SRCAP: variants seen among roughly 807,000 people sequenced by gnomAD.
The protein encoded by SRCAP is chromatin remodeling protein SRCAP.
Under a neutral mutation model 263.1 loss-of-function variants are expected in SRCAP, and 46 were observed. That is an observed-to-expected ratio of 0.17 (90% confidence interval 0.14 to 0.22). SRCAP has a LOEUF of 0.22. Among genes scored for constraint, SRCAP ranks in the 10% least tolerant of loss-of-function variants. The probability of loss-of-function intolerance (pLI) is 1.00; values close to 1 mark genes in which losing one functional copy is unlikely to be tolerated. For synonymous variants in SRCAP, 1,813 were observed against 1,662.1 expected (o/e 1.09, Z -2.21); for missense variants, 3,695 against 4,181.9 (o/e 0.88, Z 3.21).
chr16:30,738,517 T>C lies in SRCAP; in HGVS notation c.8477T>C (p.Ile2826Thr), dbSNP rs769370549. 1 of 1,611,800 alleles carries C rather than the reference T, an allele frequency of 6.2e-7. No individual in the cohort carries two copies. Among genetic ancestry groups the C allele is most frequent in the South Asian group, 1.1e-5 (1 of 90,812 alleles). ...SLPTPPQQPF[I>T]ARRHIELGVT... ...CCCACTCCACCCCAGCAGCCCTTCA[T>C]TGCTCGCCGTCACATTGAGCTGGGG... The change falls in exon 34 of 34, where the codon ATT becomes ACT. Residue 2826 changes from isoleucine to threonine, a missense_variant. Physicochemically the swap from Ile to Thr is moderately conservative, Grantham distance 89 (BLOSUM62 -1). Around this residue, in one of 12 missense-constraint regions of SRCAP, gnomAD observed 1,207 missense variants for 1,142.9 expected, o/e 1.06. Transcript: ENST00000262518.
At chr16:30,712,562 G>A (rs1332263718) in intron 13 of SRCAP, 117 bp from the exon 14 acceptor site, 4 of 1,533,304 alleles carry the variant, frequency 2.6e-6, no homozygotes, top group Non-Finnish European at 3.5e-6. Flanking sequence ...GTATAGAGAG[G>A]ACAGTGTAGG....
rs763370047 is a variant in SRCAP at position 30,738,374 on chromosome 16, G to C, written c.8334G>C (p.Val2778=). Residue 2778 remains valine (V), a synonymous_variant, in exon 34 of 34, where the codon GTG becomes GTC. Transcript: ENST00000262518. The part of the protein sequence containing the change: ...RQQRGAASTL[V]PGVSETSASP... ...AGCGGGGAGCTGCCAGCACCCTAGT[G>C]CCTGGGGTCTCTGAGACTAGTGCCA... The C allele has an allele frequency of 6.4e-7, 1 of 1,558,668 alleles. No homozygotes were observed. The highest frequency in any genetic ancestry group is 8.7e-7 in the Non-Finnish European group (1 of 1,152,934).
Position 30,739,623 on chromosome 16 carries a change from C to G in SRCAP, c.9583C>G (p.Arg3195Gly). The G allele has an allele frequency of 6.3e-7, 1 of 1,591,234 alleles. No individual in the cohort carries two copies. ...GTPRRRPGPR[R>G]LVGTTNQGDQ... The stretch of plus-strand genomic sequence containing the variant: ...CCCACGCCGACGTCCTGGCCCCCGC[C>G]GGCTTGTTGGGACCACCAACCAAGG... The change falls in exon 34 of 34, where the codon CGG (arginine) becomes GGG (glycine). Residue 3195 changes from arginine (R) to glycine (G), a missense_variant. Transcript: ENST00000262518.
At chr16:30,731,728 T>C (rs1045874007) in intron 27 of SRCAP, among the ~76,000 whole-genome samples, 4 of 150,894 alleles carry the variant, frequency 2.7e-5, no homozygotes, top group African/African-American at 9.8e-5. Context: ...GATATAGTGG[T>C]GCACACCTAT....
In SRCAP at chr16:30,739,537, A is replaced by G; in HGVS notation, c.9497A>G (p.Glu3166Gly). 6.2e-7 allele frequency: 1 copy of G among 1,610,852 alleles called. No individual in the cohort carries two copies. Among genetic ancestry groups the G allele is most frequent in the South Asian group, 1.1e-5 (1 of 90,872 alleles). ...RLQPPSPLGP[E>G]GSVEESEAEA... ...CAGCCCCCAAGTCCCCTGGGGCCTG[A>G]GGGTTCAGTAGAGGAGTCTGAGGCT... Residue 3166 changes from glutamate (E) to glycine (G), a missense_variant, in exon 34 of 34, where the codon GAG (glutamate) becomes GGG (glycine). Transcript: ENST00000262518.
chr16:30,716,595 C>T (rs2052953396), intron 18 of SRCAP, 116 bp downstream of exon 18: 3 of 913,906 alleles, frequency 3.3e-6, no homozygotes, highest in African/African-American at 1.7e-5. Context: ...CCCTATCATT[C>T]CCTTAGTTTT....
chr16:30,700,161 A>G (rs1393769851), intron 2 of SRCAP, among the ~76,000 whole-genome samples, 180 bp downstream of exon 2: 1 of 152,240 alleles, frequency 6.6e-6, no homozygotes, highest in Non-Finnish European at 1.5e-5. Flanking sequence ...TGGGTTGAGG[A>G]AAACGTGGTC....
At chr16:30,722,811 G>A (rs975272182) in intron 23 of SRCAP, 63 bp downstream of exon 23, 17 of 1,559,882 alleles carry the variant, frequency 1.1e-5, no homozygotes, top group Non-Finnish European at 1.5e-5. Context: ...CATGCGCTGG[G>A]CTACTGTCTG....
At position 30,734,490 on chromosome 16, in the gene SRCAP, C is replaced by T. The variant is rs560498526; in HGVS notation, c.6610-6C>T. 1.1e-5 allele frequency: 17 copies of T among 1,613,866 alleles called. No homozygotes were observed. Among genetic ancestry groups the T allele is most frequent in the African/African-American group, 1.3e-5 (1 of 74,994 alleles). On this transcript the variant is annotated splice_region_variant and splice_polypyrimidine_tract_variant and intron_variant, in intron 30 of 33. Coordinates refer to ENST00000262518, the MANE Select transcript of SRCAP (RefSeq NM_006662.3). ...CTCTGACACTTCCCTCTGTTCTATC[C>T]GATAGCAGACCATCCGAGAGCTGTT... is the stretch of plus-strand genomic sequence containing the variant.
chr16:30,703,616 G>T (rs1389076085), intron 3 of SRCAP, among the ~76,000 whole-genome samples: 1 of 151,904 alleles, frequency 6.6e-6, no homozygotes, highest in Non-Finnish European at 1.5e-5. Context: ...TTATCCCAAG[G>T]CCGGGCGTGG....
intron 27 of SRCAP, among the ~76,000 whole-genome samples, chr16:30,731,116 T>A (rs1231504956): frequency 1.3e-5 from 2 of 152,218 alleles, no homozygotes; most frequent in East Asian, 3.9e-4. Flanking sequence ...AAACAAGGGG[T>A]TGAGACAAAA....
At chr16:30,734,836 A>G (rs895135713) in intron 31 of SRCAP, among the ~76,000 whole-genome samples, 9 of 152,220 alleles carry the variant, frequency 5.9e-5, no homozygotes, top group African/African-American at 1.7e-4. Flanking sequence ...TTTGAATTCC[A>G]GTAATGCTTC....
In SRCAP at chr16:30,739,223, C is replaced by A. The variant is rs2053196260; in HGVS notation, c.9183C>A (p.Arg3061=). The part of the protein sequence containing the change: ...EGSSSDEDGS[R]PLTRLARLRL... ...GTTCCTCTGATGAGGATGGAAGCCG[C>A]CCCCTCACCCGCCTGGCCCGCCTTC... Residue 3061 remains arginine (R), a synonymous_variant, in exon 34 of 34, where the codon CGC becomes CGA. Transcript: ENST00000262518. The A allele has an allele frequency of 6.2e-6, 10 of 1,613,502 alleles. No homozygotes were observed. Among genetic ancestry groups the A allele is most frequent in the Non-Finnish European group, 8.5e-6 (10 of 1,180,012 alleles).
intron 25 of SRCAP, 140 bp downstream of exon 25, chr16:30,725,222 G>C: frequency 7.0e-7 from 1 of 1,429,384 alleles, no homozygotes; most frequent in Non-Finnish European, 9.2e-7. Flanking sequence ...AGTGACATTT[G>C]GACAAGTCCC....
At chr16:30,714,067 T>A (rs2052920099) in intron 16 of SRCAP, among the ~76,000 whole-genome samples, 4 of 148,384 alleles carry the variant, frequency 2.7e-5, no homozygotes, top group Non-Finnish European at 6.0e-5. Context: ...CTGGCTAATT[T>A]TTTTTTTTTT....
chr16:30,721,343 C>T lies in SRCAP; in HGVS notation c.3408C>T (p.Gly1136=). The T allele has an allele frequency of 6.2e-7, 1 of 1,614,178 alleles. No individual in the cohort carries two copies. The highest frequency in any genetic ancestry group is 8.5e-7 in the Non-Finnish European group (1 of 1,180,042). ...SLLKPLTVPP[G]YTFPPAAATT... ...TGAAGCCCCTGACAGTGCCACCAGG[C>T]TACACCTTCCCTCCTGCTGCTGCCA... Residue 1136 remains glycine (G), a synonymous_variant, in exon 21 of 34, where the codon GGC becomes GGT. Transcript: ENST00000262518.
intron 16 of SRCAP, among the ~76,000 whole-genome samples, chr16:30,715,216 C>T (rs963730630): frequency 1.5e-4 from 23 of 152,224 alleles, no homozygotes; most frequent in African/African-American, 5.3e-4. Context: ...GGCCTTATAG[C>T]CTGTTATTTC....
At chr16:30,722,060 GT>G in intron 21 of SRCAP, 61 bp from the exon 22 acceptor site, 1 of 1,563,520 alleles carries the variant, frequency 6.4e-7, no homozygotes, top group Non-Finnish European at 8.7e-7. Flanking sequence ...GCTTCATGGG[GT>G]CTGTGAAGTG....
chr16:30,707,423 G>T, intron 5 of SRCAP, 55 bp downstream of exon 5: 1 of 1,602,802 alleles, frequency 6.2e-7, no homozygotes. Context: ...GTTCCTTCCC[G>T]GTTTGTTGGA....
Sources: gnomAD v4.1 joint callset for allele counts (sites outside exome capture counted in the v4.1 genomes callset) on GRCh38, gnomAD v4.1.1 for gene constraint, gnomAD v4.1.1 regional missense constraint, MANE v1.5 for transcripts, NCBI Gene and HGNC (gene_info 2026-07-23, HGNC 2026-07-21) for gene names.